The following PALLD variants were observed in gnomAD, a reference collection of about 807,000 sequenced individuals.
The protein encoded by PALLD is palladin, cytoskeletal associated protein, also known as palladin.
Under a neutral mutation model 123.5 loss-of-function variants are expected in PALLD, and 61 were observed. The observed-to-expected ratio is 0.49, with a 90% CI of 0.40 to 0.61. The LOEUF (loss-of-function observed/expected upper bound fraction) is 0.61. PALLD is among the 20% of genes least tolerant of loss of function. The pLI, the probability that PALLD is intolerant of heterozygous loss-of-function variation, is 0.00. For synonymous variants in PALLD, 465 were observed against 496.4 expected, an observed-to-expected ratio of 0.94 and a Z score of 0.84; for missense variants, 1,273 against 1,377.0, an observed-to-expected ratio of 0.92 and a Z score of 1.20.
chr4:168,894,046 A>T (rs1754597966), intron 11 of PALLD: 2 of 166,826 alleles, frequency 1.2e-5, no homozygotes, highest in Admixed American at 5.7e-5. Context: ...GCTCATCCAC[A>T]TCTTCCTTTA....
At position 168,877,984 on chromosome 4, in the gene PALLD, C is replaced by A; in HGVS notation, c.1965-12938C>A. On this transcript the variant is annotated intron_variant, in intron 10 of 21. Coordinates refer to ENST00000505667, the MANE Select transcript of PALLD (RefSeq NM_001166108.2). ...CCAAGCAGTTCATCGCCGCGCAGAA[C>A]CTCGGGCCCGCGTCGGGCCACGGCA... The A allele has an allele frequency of 6.7e-7, 1 of 1,500,864 alleles. No individual in the cohort carries two copies. Among genetic ancestry groups the A allele is most frequent in the Non-Finnish European group, 8.8e-7 (1 of 1,130,618 alleles). The allele number at this position is 1,500,864 out of a possible 1,614,324, so 93.0% of individuals were successfully genotyped here.
chr4:168,878,682 T>G (rs1462465377), intron 10 of PALLD, among the ~76,000 whole-genome samples: 9 of 83,920 alleles, frequency 1.1e-4, no homozygotes, highest in Admixed American at 2.4e-4. Flanking sequence ...TTAATCATTA[T>G]GGGGGGGGGG....
intron 2 of PALLD, among the ~76,000 whole-genome samples, chr4:168,540,553 A>G (rs904020648): frequency 1.3e-5 from 2 of 152,230 alleles, no homozygotes; most frequent in East Asian, 3.8e-4. Flanking sequence ...GCCTGGAAAA[A>G]AAATTATTTT....
intron 10 of PALLD, among the ~76,000 whole-genome samples, chr4:168,748,873 A>C (rs1160489796): frequency 6.6e-6 from 1 of 152,196 alleles, no homozygotes; most frequent in Non-Finnish European, 1.5e-5. Context: ...CAAGGCTTTC[A>C]AGGCCAGCAG....
At chr4:168,738,720 C>T (rs1423493651) in intron 10 of PALLD, among the ~76,000 whole-genome samples, 11 of 150,734 alleles carry the variant, frequency 7.3e-5, no homozygotes, top group African/African-American at 2.2e-4. Flanking sequence ...CGTGAGCCAC[C>T]GCGCCCGGCC....
At chr4:168,851,663 G>C (rs540052451) in intron 10 of PALLD, among the ~76,000 whole-genome samples, 4 of 152,220 alleles carry the variant, frequency 2.6e-5, no homozygotes, top group South Asian at 4.2e-4. Context: ...CCCCACGCCT[G>C]GCTGAAACCT....
intron 10 of PALLD, among the ~76,000 whole-genome samples, chr4:168,835,855 T>C (rs1449997785): frequency 2.6e-5 from 4 of 152,138 alleles, no homozygotes; most frequent in Non-Finnish European, 5.9e-5. Flanking sequence ...TGAGCCACTG[T>C]GCCTGGCTCA....
At chr4:168,522,430 G>A (rs1763649010) in intron 2 of PALLD, among the ~76,000 whole-genome samples, 1 of 152,128 alleles carries the variant, frequency 6.6e-6, no homozygotes, top group African/African-American at 2.4e-5. Context: ...TAGTTGTTTT[G>A]AAAGAATTTG....
intron 10 of PALLD, among the ~76,000 whole-genome samples, chr4:168,880,972 A>G (rs968950185): frequency 1.3e-5 from 2 of 152,084 alleles, no homozygotes; most frequent in Admixed American, 6.6e-5. Flanking sequence ...CAGTGGTGCA[A>G]TTGCAGCTCA....
chr4:168,848,149 G>A (rs1157904299), intron 10 of PALLD, among the ~76,000 whole-genome samples: 3 of 55,286 alleles, frequency 5.4e-5, no homozygotes, highest in Non-Finnish European at 1.1e-4. Flanking sequence ...CCCTACCCCC[G>A]TCCCACCCCA....
At chr4:168,877,785 G>A (rs899933747) in intron 10 of PALLD, 2 of 1,209,636 alleles carry the variant, frequency 1.7e-6, no homozygotes, top group South Asian at 3.5e-5. Flanking sequence ...GCCGGCGCTC[G>A]GCAGCCTCCG....
chr4:168,534,947 A>G (rs1764956986), intron 2 of PALLD, among the ~76,000 whole-genome samples: 1 of 152,182 alleles, frequency 6.6e-6, no homozygotes, highest in Non-Finnish European at 1.5e-5. Context: ...AACCAATCTC[A>G]GATTGAAAAT....
chr4:168,902,350 T>C (rs1211384175), intron 14 of PALLD, among the ~76,000 whole-genome samples: 1 of 152,188 alleles, frequency 6.6e-6, no homozygotes, highest in African/African-American at 2.4e-5. Flanking sequence ...TTTATTTGCT[T>C]ATCTAGTAAG....
At chr4:168,781,185 T>A (rs975636964) in intron 10 of PALLD, among the ~76,000 whole-genome samples, 21 of 152,204 alleles carry the variant, frequency 1.4e-4, no homozygotes, top group African/African-American at 5.1e-4. Context: ...TCAGGGCCTT[T>A]AATAACACCA....
At position 168,502,799 on chromosome 4, in the gene PALLD, G is replaced by A. The variant is rs180834138; in HGVS notation, c.-83+5605G>A. 2.8e-3 allele frequency among the ~76,000 whole-genome samples: 422 copies of A among 152,292 alleles called. 4 individuals carry two copies. Among genetic ancestry groups the A allele is most frequent in the African/African-American group, 8.1e-3 (338 of 41,548 alleles). ...CACACGCGTAGTTCTAGCTACTCAG[G>A]AGGATGAGGCAGGAGGATCCCTTGA... On this transcript the variant is annotated intron_variant, in intron 1 of 21. Transcript: ENST00000505667.
chr4:168,564,742 T>C (rs1249570421), intron 2 of PALLD, among the ~76,000 whole-genome samples: 1 of 152,190 alleles, frequency 6.6e-6, no homozygotes, highest in Non-Finnish European at 1.5e-5. Flanking sequence ...AGGACATTAA[T>C]GTAATTATTC....
intron 2 of PALLD, among the ~76,000 whole-genome samples, chr4:168,556,377 A>G (rs898204697): frequency 2.0e-5 from 3 of 152,164 alleles, no homozygotes; most frequent in African/African-American, 4.8e-5. Context: ...TTACAGGTGT[A>G]AGCCACGGCG....
rs1279381875 is a variant in PALLD at position 168,878,407 on chromosome 4, C to T, written c.1965-12515C>T. On this transcript the variant is annotated intron_variant, in intron 10 of 21. Coordinates refer to ENST00000505667, the MANE Select transcript of PALLD (RefSeq NM_001166108.2). Reference sequence around the variant, plus strand: ...GTGTCACCCCCGCGTGAGTAACCGCCGCGGTCCTCCACTTCCCTGCCCCTC... The same window carrying T: ...GTGTCACCCCCGCGTGAGTAACCGCTGCGGTCCTCCACTTCCCTGCCCCTC... 3 of 1,471,672 alleles carry T rather than the reference C, an allele frequency of 2.0e-6. No individual in the cohort carries two copies. The highest frequency in any genetic ancestry group is 1.3e-5 in the South Asian group (1 of 75,570). 91.2% of individuals were successfully genotyped at this position (1,471,672 alleles called of 1,614,324 possible).
chr4:168,537,365 A>G (rs1330461141), intron 2 of PALLD, among the ~76,000 whole-genome samples: 2 of 152,218 alleles, frequency 1.3e-5, no homozygotes, highest in Non-Finnish European at 2.9e-5. Context: ...CTGCTAAAAA[A>G]TTGTATTTTC....
Sources: allele counts gnomAD v4.1 joint callset (sites outside exome capture counted in the v4.1 genomes callset), GRCh38; gene constraint gnomAD v4.1.1; transcripts MANE v1.5; gene names NCBI Gene and HGNC (gene_info 2026-07-23, HGNC 2026-07-21).